The following TCF25 variants were observed in gnomAD, a reference collection of about 807,000 sequenced individuals.
TCF25 encodes ribosome quality control complex subunit TCF25.
In TCF25, 41 loss-of-function variants were observed where a neutral mutation model predicts 83.1. The ratio of observed to expected loss-of-function variants is 0.49; its 90% CI spans 0.38 to 0.64. The LOEUF is 0.64. Among genes scored for constraint, TCF25 ranks in the 30% least tolerant of loss-of-function variants. The probability of loss-of-function intolerance (pLI) is 0.00; values close to 1 mark genes in which losing one functional copy is unlikely to be tolerated. For synonymous variants in TCF25, 458 were observed against 365.0 expected, an observed-to-expected ratio of 1.25 and a Z score of -2.90; for missense variants, 979 against 914.5, an observed-to-expected ratio of 1.07 and a Z score of -0.91.
chr16:89,900,538 G>A (rs896029558), intron 11 of TCF25, 97 bp from the exon 12 acceptor site: 23 of 1,383,350 alleles, frequency 1.7e-5, no homozygotes, highest in African/African-American at 4.3e-5. Flanking sequence ...ATACCTGCTC[G>A]GGGTAGGGCT....
At chr16:89,877,419 G>A (rs1162821866) in intron 1 of TCF25, among the ~76,000 whole-genome samples, 3 of 152,134 alleles carry the variant, frequency 2.0e-5, no homozygotes, top group Non-Finnish European at 2.9e-5. Context: ...ATAGATGTGA[G>A]CTACCATGCC....
intron 5 of TCF25, chr16:89,890,193 C>A (rs1355466730): frequency 6.6e-6 from 1 of 152,250 alleles, no homozygotes; most frequent in East Asian, 1.9e-4. Flanking sequence ...GGATTACAGG[C>A]GTGAGCCACC....
At position 89,873,848 on chromosome 16, in the gene TCF25, C is replaced by T. The variant is rs1477319359; in HGVS notation, c.181C>T (p.Arg61Cys). ...AGKEGVRVNNRFELINIDDLE... is the reference protein window; with the variant it reads ...AGKEGVRVNNCFELINIDDLE... ...GAAGGAGGGCGTCCGAGTCAACAAC[C>T]GCTTCGAGCTGGTGAGGAGCGCGGC... The change falls in exon 1 of 18, where the codon CGC becomes TGC. Residue 61 changes from arginine (R) to cysteine (C), a missense_variant. By Grantham distance (180) the Arg-to-Cys change is radical (BLOSUM62 -3). Coordinates refer to ENST00000263346, the MANE Select transcript of TCF25 (RefSeq NM_014972.3). 10 of 1,548,758 alleles carry T rather than the reference C, an allele frequency of 6.5e-6. No homozygotes were observed. Among genetic ancestry groups the T allele is most frequent in the Non-Finnish European group, 8.7e-6 (10 of 1,149,040 alleles).
At chr16:89,897,445 A>G (rs936156366) in intron 9 of TCF25, among the ~76,000 whole-genome samples, 3 of 152,204 alleles carry the variant, frequency 2.0e-5, no homozygotes, top group African/African-American at 7.2e-5. Flanking sequence ...GGTTGTCTGC[A>G]GTGTGGGATC....
At chr16:89,908,981 G>C (rs1318645888) in intron 16 of TCF25, 1 of 1,289,414 alleles carries the variant, frequency 7.8e-7, no homozygotes, top group Non-Finnish European at 1.0e-6. Flanking sequence ...GAGAGGAGGA[G>C]AGGAACAGTG....
In TCF25 at chr16:89,905,034, C is replaced by G; in HGVS notation, c.1566C>G (p.Asn522Lys). Reference protein sequence around the residue: ...EPATMSWLEENVHEVLQAVDA... With the variant: ...EPATMSWLEEKVHEVLQAVDA... ...CCACCATGAGCTGGCTGGAGGAGAA[C>G]GTCCACGAGGTTCTGCAAGCAGTGG... Residue 522 changes from asparagine to lysine, a missense_variant, in exon 14 of 18, where the codon AAC (asparagine) becomes AAG (lysine). Transcript: ENST00000263346. The G allele has an allele frequency of 6.2e-7, 1 of 1,602,520 alleles. No individual in the cohort carries two copies. Among genetic ancestry groups the G allele is most frequent in the Non-Finnish European group, 8.5e-7 (1 of 1,175,198 alleles).
intron 16 of TCF25, chr16:89,910,270 C>T (rs190060010): frequency 1.5e-5 from 6 of 411,082 alleles, no homozygotes; most frequent in Admixed American, 1.2e-4. Flanking sequence ...GTTGAAACTG[C>T]AGCTTTTCTG....
chr16:89,900,961 G>A (rs916893360), intron 12 of TCF25, 167 bp downstream of exon 12: 31 of 785,244 alleles, frequency 3.9e-5, no homozygotes, highest in Admixed American at 1.8e-4. Flanking sequence ...AAAGAGGGTC[G>A]GCTCATCTCG....
intron 16 of TCF25, among the ~76,000 whole-genome samples, chr16:89,908,578 T>C (rs1333608922): frequency 2.4e-4 from 6 of 24,552 alleles, no homozygotes; most frequent in East Asian, 1.9e-3. Flanking sequence ...TTCCTCGCAG[T>C]TCCCACCTCC....
chr16:89,876,127 C>T (rs1484453912), intron 1 of TCF25, among the ~76,000 whole-genome samples: 1 of 152,060 alleles, frequency 6.6e-6, no homozygotes, highest in Non-Finnish European at 1.5e-5. Flanking sequence ...TGTGGACTTT[C>T]TGGAGTGAGT....
chr16:89,892,269 A>C lies in TCF25; in HGVS notation c.691A>C (p.Lys231Gln). Residue 231 changes from lysine to glutamine, a missense_variant, in exon 6 of 18, where the codon AAA becomes CAA. Physicochemically the swap from Lys to Gln is moderately conservative, Grantham distance 53. Coordinates refer to ENST00000263346, the MANE Select transcript of TCF25 (RefSeq NM_014972.3). Reference protein sequence around the residue: ...TPKSTWPRYSKPGLSMRLLES... With the variant: ...TPKSTWPRYSQPGLSMRLLES... ...TAAAAGCACCTGGCCCCGCTACAGC[A>C]AACCAGGTGAGGGTCTGCAGATGCT... 6.2e-7 allele frequency: 1 copy of C among 1,611,588 alleles called. No homozygotes were observed.
chr16:89,892,459 C>G (rs2043505954), intron 6 of TCF25, among the ~76,000 whole-genome samples, 184 bp downstream of exon 6: 1 of 152,110 alleles, frequency 6.6e-6, no homozygotes, highest in African/African-American at 2.4e-5. Context: ...TGAGCCGAGA[C>G]TCTTTGCTCC....
chr16:89,903,788 C>T (rs2044546007), intron 12 of TCF25, among the ~76,000 whole-genome samples: 1 of 152,096 alleles, frequency 6.6e-6, no homozygotes, highest in Non-Finnish European at 1.5e-5. Context: ...GCCTGAGCAA[C>T]AGAGTGAGAC....
At chr16:89,894,941 A>G (rs2043733216) in intron 7 of TCF25, 97 bp from the exon 8 acceptor site, 1 of 1,076,840 alleles carries the variant, frequency 9.3e-7, no homozygotes, top group Non-Finnish European at 1.3e-6. Flanking sequence ...CACTGCGCCC[A>G]GCCTCCGCTG....
chr16:89,910,190 T>C (rs1424574638), intron 16 of TCF25: 1 of 218,390 alleles, frequency 4.6e-6, no homozygotes, highest in Admixed American at 5.3e-5. Context: ...CTTCGCACCG[T>C]GAGGGTCTCC....
rs771438264 is a variant in TCF25, at chr16:89,884,603, C to T, written c.376C>T (p.Arg126Trp). 37 of 1,613,480 alleles carry T rather than the reference C, an allele frequency of 2.3e-5. 1 individual carries two copies. In the South Asian group the frequency reaches 2.7e-4, roughly 12 times the overall value. ...SEQSHASGKL[R>W]KKKKKQKNKK... ...TTAGTCTCATGCAAGTGGCAAACTCCGGAAGAAGAAAAAAAAACAGAAAAA... is the reference window on the plus strand; with the variant it reads ...TTAGTCTCATGCAAGTGGCAAACTCTGGAAGAAGAAAAAAAAACAGAAAAA... The change falls in exon 3 of 18, where the codon CGG (arginine) becomes TGG (tryptophan). Residue 126 changes from arginine (R) to tryptophan (W), a missense_variant. Physicochemically the swap from Arg to Trp is moderately radical, Grantham distance 101. Coordinates refer to ENST00000263346, the MANE Select transcript of TCF25 (RefSeq NM_014972.3).
intron 2 of TCF25, 33 bp from the exon 3 acceptor site, chr16:89,884,549 A>C (rs1417881904): frequency 5.6e-6 from 9 of 1,607,622 alleles, no homozygotes. Flanking sequence ...TTTACTTCTC[A>C]TTCTACTGAT....
At chr16:89,877,780 C>T (rs1489475311) in intron 1 of TCF25, among the ~76,000 whole-genome samples, 4 of 152,056 alleles carry the variant, frequency 2.6e-5, no homozygotes, top group Non-Finnish European at 4.4e-5. Context: ...GGTACGTTAC[C>T]ATTTTCAGGG....
rs529953265 is a variant in TCF25 at position 89,893,472 on chromosome 16, C to G, written c.698-256C>G. ...TCCCTCCAGGCCAGTGGGGCTAGAGCTGTATCCGAGTTCTGGAGGCAAACA... is the reference window on the plus strand; with the variant it reads ...TCCCTCCAGGCCAGTGGGGCTAGAGGTGTATCCGAGTTCTGGAGGCAAACA... On this transcript the variant is annotated intron_variant, in intron 6 of 17. Coordinates refer to ENST00000263346, the MANE Select transcript of TCF25 (RefSeq NM_014972.3). Among the ~76,000 whole-genome samples the G allele has an allele frequency of 2.0e-3, 312 of 152,324 alleles. 1 individual carries two copies. The highest frequency in any genetic ancestry group is 7.3e-3 in the African/African-American group (305 of 41,578).
Sources: gnomAD v4.1 joint callset for allele counts (sites outside exome capture counted in the v4.1 genomes callset) on GRCh38, gnomAD v4.1.1 for gene constraint, MANE v1.5 for transcripts, NCBI Gene and HGNC (gene_info 2026-07-23, HGNC 2026-07-21) for gene names.